The following METTL15 variants were observed in gnomAD, a reference collection of about 807,000 sequenced individuals.
The protein encoded by METTL15 is methyltransferase 15, mitochondrial 12S rRNA N4-cytidine.
A neutral mutation model predicts 38.3 loss-of-function variants in METTL15; 34 were observed. The ratio of observed to expected loss-of-function variants is 0.89; its 90% CI spans 0.68 to 1.18. The LOEUF (loss-of-function observed/expected upper bound fraction) is 1.18, where lower values mean the gene tolerates loss of function less well. Ranked by LOEUF, METTL15 falls within the 50% of genes most tolerant of loss-of-function variation. METTL15 has a pLI of 0.00. For missense variants in METTL15, 438 were observed against 498.4 expected (o/e 0.88, Z 1.15); for synonymous variants, 162 against 170.9 (o/e 0.95, Z 0.41).
At chr11:28,148,704 A>ATT (rs1456343033) in intron 3 of METTL15, among the ~76,000 whole-genome samples, 1 of 151,956 alleles carries the variant, frequency 6.6e-6, no homozygotes, top group Non-Finnish European at 1.5e-5. Flanking sequence ...AGTTTATCAC[A>ATT]TGTAAGTCAC....
intron 6 of METTL15, among the ~76,000 whole-genome samples, chr11:28,318,698 C>T (rs1849355371): frequency 6.6e-6 from 1 of 151,860 alleles, no homozygotes; most frequent in Non-Finnish European, 1.5e-5. Flanking sequence ...GCTTGTTCTC[C>T]TCATCTTGCT....
chr11:28,282,652 T>G (rs1856098100), intron 4 of METTL15, among the ~76,000 whole-genome samples: 1 of 152,320 alleles, frequency 6.6e-6, no homozygotes, highest in South Asian at 2.1e-4. Flanking sequence ...TTAAAAGTTC[T>G]GGTGCACTGG....
At chr11:28,200,099 C>T (rs1852054488) in intron 3 of METTL15, among the ~76,000 whole-genome samples, 1 of 152,116 alleles carries the variant, frequency 6.6e-6, no homozygotes, top group Non-Finnish European at 1.5e-5. Context: ...ATCCAAATGG[C>T]ATGCTTTGTG....
chr11:28,176,046 G>A (rs1256651755), intron 3 of METTL15, among the ~76,000 whole-genome samples: 4 of 151,892 alleles, frequency 2.6e-5, no homozygotes, highest in East Asian at 1.9e-4. Flanking sequence ...AAGACTGAAC[G>A]TAAGATCAGT....
chr11:28,177,300 T>C (rs1590113232), intron 3 of METTL15, among the ~76,000 whole-genome samples: 3 of 152,032 alleles, frequency 2.0e-5, no homozygotes, highest in African/African-American at 4.8e-5. Flanking sequence ...AGGCTTCCAA[T>C]TGAAAAGATT....
At chr11:28,430,597 T>TG (rs1448867754) in intron 6 of METTL15, among the ~76,000 whole-genome samples, 1 of 24,292 alleles carries the variant, frequency 4.1e-5, no homozygotes, top group African/African-American at 1.6e-4. Flanking sequence ...GGGAGGGAGG[T>TG]GGGGGGGTCA....
At chr11:28,447,380 C>G (rs1264901829) in intron 6 of METTL15, among the ~76,000 whole-genome samples, 2 of 152,176 alleles carry the variant, frequency 1.3e-5, no homozygotes, top group Admixed American at 1.3e-4. Flanking sequence ...ATAAACCACT[C>G]AATGAACAGG....
intron 4 of METTL15, among the ~76,000 whole-genome samples, chr11:28,235,715 A>G (rs1037020957): frequency 2.6e-5 from 4 of 152,134 alleles, no homozygotes; most frequent in Middle Eastern, 6.8e-3. Context: ...GGCTGAGACA[A>G]TGGGGTTTTC....
At chr11:28,419,138 T>A (rs12274392) in intron 5 of METTL15, among the ~76,000 whole-genome samples, 2,687 of 152,194 alleles carry the variant, frequency 0.018, 51 homozygotes, top group African/African-American at 0.051. Context: ...GAGCCTTGAG[T>A]GAACATAGGC....
chr11:28,508,403 C>A (rs956487556), intron 6 of METTL15, among the ~76,000 whole-genome samples: 8 of 152,164 alleles, frequency 5.3e-5, no homozygotes, highest in African/African-American at 1.9e-4. Flanking sequence ...ATGAATGTAT[C>A]TATCCATCAT....
chr11:28,330,093 A>G (rs538449642), intron 6 of METTL15, among the ~76,000 whole-genome samples: 1 of 151,992 alleles, frequency 6.6e-6, no homozygotes, highest in Non-Finnish European at 1.5e-5. Context: ...AACGTTTTTC[A>G]CCAAATTTGA....
intron 3 of METTL15, among the ~76,000 whole-genome samples, chr11:28,199,486 C>G (rs530725824): frequency 6.8e-4 from 103 of 152,226 alleles, no homozygotes; most frequent in Non-Finnish European, 1.1e-3. Flanking sequence ...CTGATTTTCT[C>G]TCTTAAAATG....
downstream of METTL15, among the ~76,000 whole-genome samples, chr11:28,529,697 C>T (rs1037697371): frequency 2.6e-5 from 4 of 151,814 alleles, no homozygotes; most frequent in African/African-American, 9.7e-5. Context: ...TTAGTGAAGA[C>T]TTGATTAGTC....
intron 3 of METTL15, among the ~76,000 whole-genome samples, chr11:28,188,830 A>G (rs954496027): frequency 9.9e-5 from 15 of 151,312 alleles, no homozygotes; most frequent in South Asian, 2.1e-4. Flanking sequence ...TATACTGGAA[A>G]GTGTCATTAC....
chr11:28,475,532 A>G (rs1428433898), intron 6 of METTL15, among the ~76,000 whole-genome samples: 1 of 152,146 alleles, frequency 6.6e-6, no homozygotes, highest in East Asian at 1.9e-4. Flanking sequence ...TCATGGTTTG[A>G]CACATCCTGG....
chr11:28,429,231 A>G (rs1182265646), intron 6 of METTL15, among the ~76,000 whole-genome samples: 2 of 152,202 alleles, frequency 1.3e-5, no homozygotes, highest in Non-Finnish European at 2.9e-5. Flanking sequence ...AGAAACTGCA[A>G]TGTCTTGGGG....
chr11:28,352,581 T>C (rs889474351), intron 4 of METTL15, among the ~76,000 whole-genome samples: 2 of 152,186 alleles, frequency 1.3e-5, no homozygotes, highest in African/African-American at 4.8e-5. Flanking sequence ...CAAAATGTTA[T>C]ATACATTCCT....
chr11:28,417,863 T>C (rs1239860940), intron 5 of METTL15, among the ~76,000 whole-genome samples: 1 of 152,218 alleles, frequency 6.6e-6, no homozygotes, highest in Non-Finnish European at 1.5e-5. Context: ...AGTTCATATG[T>C]ATAAAAATAG....
intron 3 of METTL15, among the ~76,000 whole-genome samples, chr11:28,118,798 C>G (rs928933169): frequency 6.6e-6 from 1 of 152,094 alleles, no homozygotes; most frequent in Non-Finnish European, 1.5e-5. Flanking sequence ...GATTCCTTAT[C>G]TGTAAAATAA....
Sources: allele counts gnomAD v4.1 joint callset (sites outside exome capture counted in the v4.1 genomes callset), GRCh38; gene constraint gnomAD v4.1.1; transcripts MANE v1.5; gene names NCBI Gene and HGNC (gene_info 2026-07-23, HGNC 2026-07-21).